Variants in FAM135B observed in about 807,000 individuals in gnomAD.
FAM135B encodes family with sequence similarity 135 member B, also known as protein FAM135B.
Under a neutral mutation model 127.7 loss-of-function variants are expected in FAM135B, and 43 were observed. The ratio of observed to expected loss-of-function variants is 0.34; its 90% CI spans 0.26 to 0.43. The LOEUF is 0.43. FAM135B is among the 20% of genes least tolerant of loss of function. The pLI is 1.00. For missense variants in FAM135B, 1,558 were observed against 1,725.6 expected, an observed-to-expected ratio of 0.90 and a Z score of 1.72; for synonymous variants, 670 against 665.1, an observed-to-expected ratio of 1.01 and a Z score of -0.11.
At chr8:138,200,179 T>G (rs968646309) in intron 7 of FAM135B, among the ~76,000 whole-genome samples, 1 of 152,224 alleles carries the variant, frequency 6.6e-6, no homozygotes. Flanking sequence ...GGCCTTGGAT[T>G]AAAAGCTTGT....
intron 11 of FAM135B, among the ~76,000 whole-genome samples, chr8:138,169,444 C>G (rs1289293525): frequency 6.6e-6 from 1 of 151,654 alleles, no homozygotes; most frequent in Non-Finnish European, 1.5e-5. Flanking sequence ...TTTAAATGTT[C>G]TCTGAATATT....
At chr8:138,476,332 A>G (rs1477982096) in intron 1 of FAM135B, among the ~76,000 whole-genome samples, 1 of 152,192 alleles carries the variant, frequency 6.6e-6, no homozygotes, top group Non-Finnish European at 1.5e-5. Context: ...GTGCAACACC[A>G]AAGTGAACCC....
chr8:138,226,182 T>TGCGCGCGCGCGC, intron 7 of FAM135B, among the ~76,000 whole-genome samples: 1 of 118,488 alleles, frequency 8.4e-6, no homozygotes, highest in Non-Finnish European at 1.8e-5. Flanking sequence ...TGTGTGTGTG[T>TGCGCGCGCGCGC]GTGCGCGCAT....
chr8:138,198,526 G>T (rs1816848230), intron 7 of FAM135B, among the ~76,000 whole-genome samples: 1 of 152,140 alleles, frequency 6.6e-6, no homozygotes, highest in African/African-American at 2.4e-5. Flanking sequence ...TGAAAAGGAG[G>T]AAAAGAAAGT....
chr8:138,336,232 C>T (rs1217630841), intron 2 of FAM135B, among the ~76,000 whole-genome samples: 3 of 151,964 alleles, frequency 2.0e-5, no homozygotes, highest in Non-Finnish European at 4.4e-5. Context: ...CAAAAGCTAG[C>T]AGAAGGCAAG....
chr8:138,224,500 G>A (rs1819261736), intron 7 of FAM135B, among the ~76,000 whole-genome samples: 1 of 152,126 alleles, frequency 6.6e-6, no homozygotes. Flanking sequence ...GCAGAGGCCC[G>A]ATCTCGGCTC....
chr8:138,356,264 A>AAG (rs556656577), intron 2 of FAM135B, among the ~76,000 whole-genome samples: 18 of 33,486 alleles, frequency 5.4e-4, no homozygotes, highest in South Asian at 2.2e-3. Flanking sequence ...CAGAAAGGGA[A>AAG]AGAGAGAGAG....
intron 6 of FAM135B, among the ~76,000 whole-genome samples, chr8:138,249,703 G>A (rs1192358942): frequency 2.0e-5 from 3 of 152,116 alleles, no homozygotes; most frequent in Admixed American, 6.6e-5. Context: ...TTCAGGACAA[G>A]AACAGCAAAC....
intron 4 of FAM135B, among the ~76,000 whole-genome samples, chr8:138,263,439 T>C (rs1586915613): frequency 6.6e-6 from 1 of 152,206 alleles, no homozygotes; most frequent in East Asian, 1.9e-4. Flanking sequence ...GACTGAGCAG[T>C]TCTTGCAGCC....
At chr8:138,306,975 C>G (rs1826310239) in intron 3 of FAM135B, among the ~76,000 whole-genome samples, 2 of 152,168 alleles carry the variant, frequency 1.3e-5, no homozygotes, top group African/African-American at 4.8e-5. Context: ...TTGTCCCAGC[C>G]ATTCCTGTAT....
chr8:138,383,293 T>C (rs140716045), intron 1 of FAM135B, among the ~76,000 whole-genome samples: 2 of 152,314 alleles, frequency 1.3e-5, no homozygotes, highest in African/African-American at 4.8e-5. Context: ...CCAAATGCAA[T>C]GTGTATTTCT....
intron 1 of FAM135B, among the ~76,000 whole-genome samples, chr8:138,476,421 G>A (rs1338188002): frequency 6.6e-6 from 1 of 151,700 alleles, no homozygotes; most frequent in African/African-American, 2.4e-5. Flanking sequence ...CCACGGTGAG[G>A]TGGATGCTGA....
chr8:138,407,410 TA>T (rs1045048609), intron 1 of FAM135B, among the ~76,000 whole-genome samples: 48 of 152,122 alleles, frequency 3.2e-4, no homozygotes, highest in African/African-American at 1.2e-3. Flanking sequence ...AAAACTACTT[TA>T]AAGTTCATAT....
chr8:138,296,694 C>G (rs927952128), intron 3 of FAM135B, among the ~76,000 whole-genome samples: 12 of 152,160 alleles, frequency 7.9e-5, no homozygotes, highest in Admixed American at 7.2e-4. Flanking sequence ...ACAAGCATCA[C>G]TGTTTGTACA....
intron 1 of FAM135B, among the ~76,000 whole-genome samples, chr8:138,414,790 C>T (rs1834051183): frequency 6.6e-6 from 1 of 152,080 alleles, no homozygotes; most frequent in Non-Finnish European, 1.5e-5. Context: ...CATGCATGCT[C>T]TCACCCCACC....
At position 138,236,077 on chromosome 8, in the gene FAM135B, C is replaced by T. The variant is rs1820252442; in HGVS notation, c.669+6865G>A. ...TTGGGAAAGTCAAATGCCGGACACT[C>T]TATCTGTAAGTTCCTTTGTTCTTCT... On this transcript the variant is annotated intron_variant, in intron 7 of 19. Transcript: ENST00000395297. Among the ~76,000 whole-genome samples, 3 of 151,482 alleles carry T rather than the reference C, an allele frequency of 2.0e-5. No individual in the cohort carries two copies. In the South Asian group the frequency reaches 6.2e-4, roughly 31 times the overall value.
rs937532197 is a variant in FAM135B at position 138,305,088 on chromosome 8, C to A, written c.157+5753G>T. Among the ~76,000 whole-genome samples the A allele has an allele frequency of 2.6e-5, 4 of 152,156 alleles. No individual in the cohort carries two copies. In the East Asian group the frequency reaches 7.7e-4, roughly 29 times the overall value. On this transcript the variant is annotated intron_variant, in intron 3 of 19. Coordinates refer to ENST00000395297, the MANE Select transcript of FAM135B (RefSeq NM_015912.4). ...TTTGATATTTAGGTGCTTTAATGGACCCTGAAAAGAAATTAGATTGATTCA... is the reference window on the plus strand; with the variant it reads ...TTTGATATTTAGGTGCTTTAATGGAACCTGAAAAGAAATTAGATTGATTCA...
At chr8:138,265,891 T>A in intron 3 of FAM135B, 49 bp from the exon 4 acceptor site, 1 of 1,576,312 alleles carries the variant, frequency 6.3e-7, no homozygotes. Context: ...TACTGTCCTG[T>A]ACCTGCAGCC....
chr8:138,245,479 G>A (rs982461756), intron 6 of FAM135B, among the ~76,000 whole-genome samples: 1 of 152,062 alleles, frequency 6.6e-6, no homozygotes, highest in African/African-American at 2.4e-5. Flanking sequence ...TTTTATAAGG[G>A]GCTTTCCCCC....
Sources: allele counts gnomAD v4.1 joint callset (sites outside exome capture counted in the v4.1 genomes callset), GRCh38; gene constraint gnomAD v4.1.1; transcripts MANE v1.5; gene names NCBI Gene and HGNC (gene_info 2026-07-23, HGNC 2026-07-21).